Variants in PZP observed in about 807,000 individuals in gnomAD.
The protein encoded by PZP is PZP alpha-2-macroglobulin like, also known as pregnancy zone protein.
Under a neutral mutation model 179.8 loss-of-function variants are expected in PZP, and 150 were observed. The ratio of observed to expected loss-of-function variants is 0.83; its 90% confidence interval spans 0.73 to 0.96. PZP has a LOEUF of 0.96. Among genes scored for constraint, PZP ranks in the 40% least tolerant of loss-of-function variants. The pLI, the probability that PZP is intolerant of heterozygous loss-of-function variation, is 0.00. For missense variants in PZP, 1,689 were observed against 1,764.0 expected (o/e 0.96, Z 0.76); for synonymous variants, 624 against 652.3 (o/e 0.96, Z 0.66).
intron 21 of PZP, 121 bp from the exon 22 acceptor site, chr12:9,162,769 T>G: frequency 2.5e-6 from 2 of 809,180 alleles, no homozygotes; most frequent in Non-Finnish European, 3.9e-6. Context: ...CCTACTCTTT[T>G]TTTCCCAACT....
intron 13 of PZP, among the ~76,000 whole-genome samples, chr12:9,191,356 G>C (rs1017137772): frequency 6.6e-6 from 1 of 151,908 alleles, no homozygotes; most frequent in African/African-American, 2.4e-5. Flanking sequence ...CTAGTATTGG[G>C]AAAAAACTGA....
At chr12:9,174,313 T>C (rs952418411) in intron 15 of PZP, among the ~76,000 whole-genome samples, 3 of 152,118 alleles carry the variant, frequency 2.0e-5, no homozygotes, top group African/African-American at 7.2e-5. Flanking sequence ...AACTAGGTAT[T>C]GAAGGAACAT....
At position 9,169,529 on chromosome 12, in the gene PZP, C is replaced by T; in HGVS notation, c.1902G>A (p.Glu634=). The T allele has an allele frequency of 6.2e-7, 1 of 1,613,008 alleles. No individual in the cohort carries two copies. The highest frequency in any genetic ancestry group is 2.2e-5 in the East Asian group (1 of 44,758). The part of the protein sequence containing the change: ...TNFPDNVDQQ[E]EEQGHCPRPF... Reference sequence around the variant, plus strand: ...GACGGGGACAGTGTCCTTGTTCTTCCTCCTGCTGGTCCACATTGTCAGGAA... The same window carrying T: ...GACGGGGACAGTGTCCTTGTTCTTCTTCCTGCTGGTCCACATTGTCAGGAA... Residue 634 remains glutamate (E), a synonymous_variant, in exon 16 of 36, where the codon GAG becomes GAA. Coordinates refer to ENST00000261336, the MANE Select transcript of PZP (RefSeq NM_002864.3).
At chr12:9,141,072 A>G in the PZP span, among the ~76,000 whole-genome samples, 1 of 152,240 alleles carries the variant, frequency 6.6e-6, no homozygotes, top group African/African-American at 2.4e-5. Context: ...TATGGATGAC[A>G]AAAAGTTTTA....
At chr12:9,140,293 T>C in the PZP span, among the ~76,000 whole-genome samples, 2 of 152,218 alleles carry the variant, frequency 1.3e-5, no homozygotes, top group Non-Finnish European at 2.9e-5. Flanking sequence ...GGATGACCCA[T>C]GCTATGGTTT....
intron 1 of PZP, 95 bp from the exon 2 acceptor site, chr12:9,204,046 G>T: frequency 4.1e-6 from 5 of 1,229,614 alleles, no homozygotes; most frequent in South Asian, 1.5e-5. Context: ...ATTAATTGGT[G>T]CAATCAGTTT....
the PZP span, among the ~76,000 whole-genome samples, chr12:9,139,096 G>T: frequency 6.6e-6 from 1 of 151,864 alleles, no homozygotes; most frequent in Non-Finnish European, 1.5e-5. Context: ...TAGTGCTTTT[G>T]CTGAATACCA....
downstream of PZP, among the ~76,000 whole-genome samples, chr12:9,146,644 A>G (rs1940024293): frequency 6.6e-6 from 1 of 152,068 alleles, no homozygotes; most frequent in Non-Finnish European, 1.5e-5. Flanking sequence ...AGTCTTGTAT[A>G]GGAGAAGGTT....
chr12:9,142,676 A>G, the PZP span, among the ~76,000 whole-genome samples: 5 of 152,182 alleles, frequency 3.3e-5, no homozygotes, highest in African/African-American at 1.2e-4. Flanking sequence ...CAGTAGTTAT[A>G]AGATTTTTTT....
intron 14 of PZP, among the ~76,000 whole-genome samples, chr12:9,181,723 T>C (rs373432509): frequency 7.6e-4 from 116 of 152,300 alleles, no homozygotes; most frequent in African/African-American, 2.7e-3. Flanking sequence ...GCATTTTACA[T>C]ACTCACACAA....
Position 9,180,950 on chromosome 12 carries a change from C to T in PZP, c.1839+33G>A, listed in dbSNP as rs750810972. 4 of 1,597,710 alleles carry T rather than the reference C, an allele frequency of 2.5e-6. No individual in the cohort carries two copies. In the African/African-American group the frequency reaches 4.0e-5, roughly 16 times the overall value. On this transcript the variant is annotated intron_variant, in intron 15 of 35. Coordinates refer to ENST00000261336, the MANE Select transcript of PZP (RefSeq NM_002864.3). Reference sequence around the variant, plus strand: ...TCTTGATCTGAGCCTCTGGAATGGCCCTTCCTGGTCCCCAAGGCCACTGGA... The same window carrying T: ...TCTTGATCTGAGCCTCTGGAATGGCTCTTCCTGGTCCCCAAGGCCACTGGA...
intron 17 of PZP, among the ~76,000 whole-genome samples, chr12:9,166,718 T>G (rs1941611654): frequency 6.6e-6 from 1 of 152,234 alleles, no homozygotes; most frequent in African/African-American, 2.4e-5. Flanking sequence ...GAAATAAGAT[T>G]AGAGCATTAG....
At chr12:9,198,335 G>A (rs1943955230) in intron 7 of PZP, among the ~76,000 whole-genome samples, 3 of 151,974 alleles carry the variant, frequency 2.0e-5, no homozygotes, top group Non-Finnish European at 4.4e-5. Context: ...CTGGGTGAGA[G>A]ACTCTGTCTA....
intron 15 of PZP, 69 bp from the exon 16 acceptor site, chr12:9,169,660 GAAATA>G: frequency 7.3e-7 from 1 of 1,363,732 alleles, no homozygotes; most frequent in Non-Finnish European, 9.7e-7. Flanking sequence ...TGAACTGAGA[GAAATA>G]AAATAATTAT....
In PZP at chr12:9,196,640, G is replaced by A. The variant is rs1252531008; in HGVS notation, c.913C>T (p.Leu305Phe). Residue 305 changes from leucine to phenylalanine, a missense_variant, in exon 9 of 36, where the codon CTC becomes TTC. By Grantham distance (22) the Leu-to-Phe change is conservative. This residue lies in a region of PZP where 742 missense variants were observed against 730.5 expected (regional missense o/e 1.02). Coordinates refer to ENST00000261336, the MANE Select transcript of PZP (RefSeq NM_002864.3). ...CITQQVHTKMLQITNTGFEMK... is the reference protein window; with the variant it reads ...CITQQVHTKMFQITNTGFEMK... ...TCAAAGCCCGTATTTGTAATCTGGAGCATTTTGGTGTGTACTTGTTGGGTG... is the reference window on the plus strand; with the variant it reads ...TCAAAGCCCGTATTTGTAATCTGGAACATTTTGGTGTGTACTTGTTGGGTG... 1.3e-5 allele frequency: 21 copies of A among 1,613,636 alleles called. No individual in the cohort carries two copies. The highest frequency in any genetic ancestry group is 1.8e-5 in the Non-Finnish European group (21 of 1,179,726).
chr12:9,200,527 T>C, intron 6 of PZP, 79 bp from the exon 7 acceptor site: 1 of 1,171,914 alleles, frequency 8.5e-7, no homozygotes, highest in Middle Eastern at 2.0e-4. Flanking sequence ...ATGTCTATAA[T>C]TTTTCCCAAA....
rs1565625726 is a variant in PZP at position 9,157,207 on chromosome 12, A to G, written c.3518T>C (p.Leu1173Pro). Reference sequence around the variant, plus strand: ...CACAGCTTCCTTATCAAGTGAGTTCAGTATTTCTCTATTCTGATTTTGCTT... The same window carrying G: ...CACAGCTTCCTTATCAAGTGAGTTCGGTATTTCTCTATTCTGATTTTGCTT... ...LGKQNQNREILNSLDKEAVKE... is the reference protein window; with the variant it reads ...LGKQNQNREIPNSLDKEAVKE... The change falls in exon 28 of 36, where the codon CTG (leucine) becomes CCG (proline). Residue 1173 changes from leucine (L) to proline (P), a missense_variant. Physicochemically the swap from Leu to Pro is moderately conservative, Grantham distance 98 (BLOSUM62 -3). This residue lies in a region of PZP where 746 missense variants were observed against 749.2 expected (regional missense o/e 1.00). Transcript: ENST00000261336. 6.2e-7 allele frequency: 1 copy of G among 1,614,030 alleles called. No homozygotes were observed. Among genetic ancestry groups the G allele is most frequent in the Non-Finnish European group, 8.5e-7 (1 of 1,179,966 alleles).
chr12:9,171,385 A>G (rs1941989861), intron 15 of PZP, among the ~76,000 whole-genome samples: 1 of 152,252 alleles, frequency 6.6e-6, no homozygotes. Context: ...AAGGTAGATA[A>G]GTTCACAAAG....
intron 15 of PZP, among the ~76,000 whole-genome samples, chr12:9,178,620 T>C (rs187476697): frequency 1.9e-4 from 29 of 152,352 alleles, no homozygotes; most frequent in Admixed American, 5.2e-4. Flanking sequence ...AAGAAAATCA[T>C]GCTTGTTTTG....
Sources: gnomAD v4.1 joint callset for allele counts (sites outside exome capture counted in the v4.1 genomes callset) on GRCh38, gnomAD v4.1.1 for gene constraint, gnomAD v4.1.1 regional missense constraint, MANE v1.5 for transcripts, NCBI Gene and HGNC (gene_info 2026-07-23, HGNC 2026-07-21) for gene names.